EXOC4: variants seen among roughly 807,000 people sequenced by gnomAD.
EXOC4 encodes exocyst complex component 4.
Under a neutral mutation model 107.2 loss-of-function variants are expected in EXOC4, and 71 were observed. That is an observed-to-expected ratio of 0.66 (90% CI 0.55 to 0.81). The LOEUF (loss-of-function observed/expected upper bound fraction) is 0.81. Ranked by LOEUF, EXOC4 falls within the 30% of genes least tolerant of loss-of-function variation. EXOC4 has a pLI of 0.00. For synonymous variants in EXOC4, 456 were observed against 441.2 expected (o/e 1.03, Z -0.42); for missense variants, 1,108 against 1,189.6 (o/e 0.93, Z 1.01).
intron 14 of EXOC4, among the ~76,000 whole-genome samples, chr7:133,955,267 C>G (rs951166098): frequency 2.0e-5 from 3 of 152,184 alleles, no homozygotes; most frequent in Admixed American, 6.5e-5. Context: ...CAGTGGAGAC[C>G]TGCAGTGGGT....
chr7:133,781,017 A>G (rs1796454477), intron 10 of EXOC4, among the ~76,000 whole-genome samples: 1 of 152,224 alleles, frequency 6.6e-6, no homozygotes, highest in Non-Finnish European at 1.5e-5. Context: ...AGCCTTTGGA[A>G]GCAAGAGGCA....
intron 7 of EXOC4, among the ~76,000 whole-genome samples, chr7:133,411,444 C>T (rs1423568441): frequency 2.6e-5 from 4 of 151,996 alleles, no homozygotes; most frequent in African/African-American, 9.7e-5. Context: ...GAAGTAAACT[C>T]AATAATTCTT....
At chr7:133,991,841 T>C (rs1794268179) in intron 14 of EXOC4, among the ~76,000 whole-genome samples, 1 of 152,220 alleles carries the variant, frequency 6.6e-6, no homozygotes, top group Non-Finnish European at 1.5e-5. Flanking sequence ...TACCATGCTG[T>C]TTGGGTTACC....
intron 10 of EXOC4, among the ~76,000 whole-genome samples, chr7:133,773,920 AC>A (rs1796295646): frequency 6.6e-6 from 1 of 151,978 alleles, no homozygotes; most frequent in Non-Finnish European, 1.5e-5. Flanking sequence ...ATCCCCTCAT[AC>A]CCACCATCCA....
At chr7:134,091,738 C>T in the EXOC4 span, among the ~76,000 whole-genome samples, 1 of 152,254 alleles carries the variant, frequency 6.6e-6, no homozygotes, top group African/African-American at 2.4e-5. Flanking sequence ...GTAAAGTCTG[C>T]TCCAGATCTT....
At chr7:133,816,381 C>T (rs757655728) in intron 10 of EXOC4, among the ~76,000 whole-genome samples, 3 of 152,074 alleles carry the variant, frequency 2.0e-5, no homozygotes, top group Non-Finnish European at 2.9e-5. Context: ...AATCTATACT[C>T]ATCTCTGAGA....
intron 9 of EXOC4, among the ~76,000 whole-genome samples, chr7:133,572,792 C>T (rs1309677496): frequency 1.3e-5 from 2 of 152,008 alleles, no homozygotes; most frequent in East Asian, 1.9e-4. Flanking sequence ...ATTAATAGTC[C>T]AAGAATAGTG....
At position 133,817,502 on chromosome 7, in the gene EXOC4, A is replaced by G. The variant is rs769834376; in HGVS notation, c.1692A>G (p.Ala564=). The change falls in exon 11 of 18, where the codon GCA becomes GCG. Residue 564 remains alanine (A), a synonymous_variant. Transcript: ENST00000253861. ...ACCCTTTGAAGATTCTGGCCAACGC[A>G]GACACCATGAAGGTGCTGGGAGTGC... ...TSDPLKILAN[A]DTMKVLGVQR... 65 of 1,614,066 alleles carry G rather than the reference A, an allele frequency of 4.0e-5. No homozygotes were observed. In the Middle Eastern group the frequency reaches 1.3e-3, roughly 33 times the overall value.
At chr7:133,903,727 A>G (rs898597361) in intron 12 of EXOC4, among the ~76,000 whole-genome samples, 1 of 152,196 alleles carries the variant, frequency 6.6e-6, no homozygotes, top group Admixed American at 6.5e-5. Context: ...CAACATATAA[A>G]TAGTATAGCT....
At chr7:133,398,705 A>C (rs528031680) in intron 7 of EXOC4, among the ~76,000 whole-genome samples, 7 of 152,258 alleles carry the variant, frequency 4.6e-5, no homozygotes, top group African/African-American at 1.7e-4. Flanking sequence ...CTTTATTTTC[A>C]TAAGTTCCAC....
Position 133,308,489 on chromosome 7 carries a change from A to G in EXOC4, c.656+2428A>G, listed in dbSNP as rs139276294. Among the ~76,000 whole-genome samples, 645 of 152,298 alleles carry G rather than the reference A, an allele frequency of 4.2e-3. 2 individuals carry two copies. The highest frequency in any genetic ancestry group is 0.015 in the African/African-American group (619 of 41,566). On this transcript the variant is annotated intron_variant, in intron 4 of 17. Coordinates refer to ENST00000253861, the MANE Select transcript of EXOC4 (RefSeq NM_021807.4). ...AGGAGAGAGGTCTCAGAAGAAACCA[A>G]CTACGCCCACACCTTGATCACAGAC...
chr7:133,977,752 G>A (rs1585294943), intron 14 of EXOC4, among the ~76,000 whole-genome samples: 1 of 152,098 alleles, frequency 6.6e-6, no homozygotes, highest in East Asian at 1.9e-4. Flanking sequence ...GTGTGTGTGT[G>A]TGTGTGTGTG....
At chr7:133,656,108 G>GA (rs1270390028) in intron 10 of EXOC4, among the ~76,000 whole-genome samples, 8 of 152,056 alleles carry the variant, frequency 5.3e-5, no homozygotes, top group African/African-American at 1.7e-4. Context: ...ATCCTTGACC[G>GA]AAACGTCATC....
chr7:134,071,743 G>T, the EXOC4 span, among the ~76,000 whole-genome samples: 1 of 152,288 alleles, frequency 6.6e-6, no homozygotes, highest in Non-Finnish European at 1.5e-5. Context: ...ATGCAGGAAT[G>T]AGCAAAGGCA....
chr7:133,604,710 C>CTTTTTTTTTTTTTTTTTTTTTTTTTT (rs61548710), intron 9 of EXOC4, among the ~76,000 whole-genome samples: 3 of 50,266 alleles, frequency 6.0e-5, no homozygotes, highest in African/African-American at 7.8e-5. Flanking sequence ...TTCCTTCTTT[C>CTTTTTTTTTTTTTTTTTTTTTTTTTT]TTTTTTTTTT....
chr7:133,705,196 T>C (rs570040823), intron 10 of EXOC4, among the ~76,000 whole-genome samples: 2 of 152,072 alleles, frequency 1.3e-5, no homozygotes, highest in South Asian at 4.2e-4. Context: ...TGAAACTCCA[T>C]CTCTTACTAA....
intron 11 of EXOC4, among the ~76,000 whole-genome samples, chr7:133,843,004 T>C (rs997689585): frequency 1.3e-5 from 2 of 152,194 alleles, no homozygotes; most frequent in African/African-American, 4.8e-5. Context: ...TAGGGCTCTC[T>C]ATTCTGTTCC....
At chr7:133,720,000 A>G (rs1239230845) in intron 10 of EXOC4, among the ~76,000 whole-genome samples, 1 of 152,154 alleles carries the variant, frequency 6.6e-6, no homozygotes, top group Non-Finnish European at 1.5e-5. Flanking sequence ...TTGATTATAT[A>G]TGATTGTCTA....
chr7:133,668,918 T>A (rs1793876439), intron 10 of EXOC4, among the ~76,000 whole-genome samples: 2 of 150,188 alleles, frequency 1.3e-5, no homozygotes, highest in African/African-American at 4.9e-5. Flanking sequence ...GGGTGAGGCA[T>A]GGGAAGGGGA....
Sources: allele counts gnomAD v4.1 joint callset (sites outside exome capture counted in the v4.1 genomes callset), GRCh38; gene constraint gnomAD v4.1.1; transcripts MANE v1.5; gene names NCBI Gene and HGNC (gene_info 2026-07-23, HGNC 2026-07-21).